The following CACNA1D variants were observed in gnomAD, a reference collection of about 807,000 sequenced individuals.
CACNA1D encodes calcium voltage-gated channel subunit alpha1 D.
CACNA1D carries 55 observed loss-of-function variants against 257.1 expected under a neutral mutation model. The observed-to-expected ratio is 0.21, with a 90% CI of 0.17 to 0.27. CACNA1D has a LOEUF of 0.27. Among genes scored for constraint, CACNA1D ranks in the 10% least tolerant of loss-of-function variants. CACNA1D has a pLI of 1.00. For synonymous variants in CACNA1D, 980 were observed against 1,014.9 expected (o/e 0.97, Z 0.65); for missense variants, 1,876 against 2,784.0 (o/e 0.67, Z 7.34).
At chr3:53,531,422 G>A (rs901217167) in intron 3 of CACNA1D, among the ~76,000 whole-genome samples, 5 of 152,186 alleles carry the variant, frequency 3.3e-5, no homozygotes, top group Non-Finnish European at 1.5e-5. Flanking sequence ...TGGATATTTG[G>A]AGATAGGAGG....
chr3:53,762,229 A>AC, intron 30 of CACNA1D, 148 bp downstream of exon 30: 2 of 710,590 alleles, frequency 2.8e-6, no homozygotes, highest in South Asian at 3.0e-5. Context: ...TGAGAGCTGT[A>AC]GGCAAGACGT....
intron 3 of CACNA1D, among the ~76,000 whole-genome samples, chr3:53,578,008 G>A (rs2107729241): frequency 6.6e-6 from 1 of 152,218 alleles, no homozygotes; most frequent in East Asian, 1.9e-4. Flanking sequence ...TCTGCTTTTT[G>A]TCATTCAGTC....
intron 8 of CACNA1D, among the ~76,000 whole-genome samples, chr3:53,688,952 A>G (rs751848849): frequency 1.3e-5 from 2 of 152,104 alleles, no homozygotes; most frequent in Non-Finnish European, 2.9e-5. Context: ...TAAATCATGG[A>G]CTATTACTTA....
chr3:53,683,005 G>A (rs2094446364), intron 8 of CACNA1D, among the ~76,000 whole-genome samples: 1 of 152,184 alleles, frequency 6.6e-6, no homozygotes, highest in Non-Finnish European at 1.5e-5. Flanking sequence ...ATGGCAGAGA[G>A]GGAGAGCCCA....
intron 3 of CACNA1D, among the ~76,000 whole-genome samples, chr3:53,555,456 G>GTT (rs1334737354): frequency 1.6e-4 from 19 of 117,020 alleles, no homozygotes; most frequent in African/African-American, 6.3e-4. Flanking sequence ...GTGTGTGTGT[G>GTT]TGTGTTTTTT....
intron 3 of CACNA1D, among the ~76,000 whole-genome samples, chr3:53,623,557 C>A: frequency 6.6e-6 from 1 of 152,154 alleles, no homozygotes; most frequent in Middle Eastern, 3.2e-3. Context: ...TAAATATGCT[C>A]AAGTGGAGGA....
At chr3:53,765,284 G>A (rs1367571733) in intron 30 of CACNA1D, among the ~76,000 whole-genome samples, 1 of 152,168 alleles carries the variant, frequency 6.6e-6, no homozygotes, top group Non-Finnish European at 1.5e-5. Flanking sequence ...TGAGCTGAGG[G>A]GTCAGCTGTC....
intron 3 of CACNA1D, among the ~76,000 whole-genome samples, chr3:53,628,088 T>C (rs2093780435): frequency 6.6e-6 from 1 of 152,162 alleles, no homozygotes; most frequent in South Asian, 2.1e-4. Flanking sequence ...GGGAGCCCTG[T>C]CTTCTCTAAT....
intron 3 of CACNA1D, among the ~76,000 whole-genome samples, chr3:53,580,576 G>A (rs925728501): frequency 8.5e-5 from 13 of 152,212 alleles, no homozygotes; most frequent in African/African-American, 2.9e-4. Flanking sequence ...CATCTGTAGA[G>A]TGGGAATTGT....
Position 53,702,702 on chromosome 3 carries a change from A to G in CACNA1D, c.1282A>G (p.Lys428Glu), listed in dbSNP as rs1366677365. The change falls in exon 9 of 48, where the codon AAG becomes GAG. Residue 428 changes from lysine to glutamate, a missense_variant. Lys to Glu is a moderately conservative substitution (Grantham distance 56, BLOSUM62 1). Coordinates refer to ENST00000350061, the MANE Select transcript of CACNA1D (RefSeq NM_001128840.3). ...ARGDFQKLREKQQLEEDLKGY... is the reference protein window; with the variant it reads ...ARGDFQKLREEQQLEEDLKGY... ...GGGAGATTTCCAGAAGCTCCGGGAG[A>G]AGCAGCAGCTGGAGGAGGATCTAAA... 1.2e-6 allele frequency: 2 copies of G among 1,614,074 alleles called. No homozygotes were observed. The highest frequency in any genetic ancestry group is 8.5e-7 in the Non-Finnish European group (1 of 1,180,046).
intron 3 of CACNA1D, among the ~76,000 whole-genome samples, chr3:53,552,829 T>C (rs985613325): frequency 6.6e-6 from 1 of 152,234 alleles, no homozygotes; most frequent in African/African-American, 2.4e-5. Context: ...AAGGATTTAC[T>C]ATTCTTAAGG....
intron 3 of CACNA1D, among the ~76,000 whole-genome samples, chr3:53,505,164 T>C (rs975109644): frequency 8.4e-5 from 12 of 143,670 alleles, no homozygotes; most frequent in Non-Finnish European, 1.8e-4. Context: ...GCTGGAGTGC[T>C]GTGGTGCAAT....
chr3:53,754,690 C>A (rs564660372), intron 29 of CACNA1D, among the ~76,000 whole-genome samples: 2 of 152,178 alleles, frequency 1.3e-5, no homozygotes, highest in Non-Finnish European at 2.9e-5. Context: ...ATATTTGGCC[C>A]TCATTTTCTT....
chr3:53,809,150 G>C (rs2095583066), intron 46 of CACNA1D: 1 of 236,474 alleles, frequency 4.2e-6, no homozygotes, highest in Admixed American at 5.1e-5. Context: ...TTTTCTCTAA[G>C]AAGTGGTTCC....
At chr3:53,699,128 A>G (rs1233758385) in intron 8 of CACNA1D, among the ~76,000 whole-genome samples, 1 of 152,122 alleles carries the variant, frequency 6.6e-6, no homozygotes, top group African/African-American at 2.4e-5. Flanking sequence ...TGTGATGGGA[A>G]TGGGTTATTC....
intron 40 of CACNA1D, chr3:53,791,231 G>A (rs1406369533): frequency 7.1e-6 from 4 of 565,682 alleles, no homozygotes; most frequent in East Asian, 5.8e-5. Context: ...GCTGCCTGTC[G>A]CGGACGTTGC....
At chr3:53,549,588 G>C (rs1472026149) in intron 3 of CACNA1D, among the ~76,000 whole-genome samples, 1 of 152,220 alleles carries the variant, frequency 6.6e-6, no homozygotes, top group Non-Finnish European at 1.5e-5. Flanking sequence ...ACTGTTCAGA[G>C]ACACAGTCTT....
rs530845490 is a variant in CACNA1D, at chr3:53,503,830, G to A, written c.483+2110G>A. Among the ~76,000 whole-genome samples the A allele has an allele frequency of 1.8e-4, 27 of 151,654 alleles. No individual in the cohort carries two copies. The South Asian group carries it at 4.0e-3, about 22-fold the overall frequency. On this transcript the variant is annotated intron_variant, in intron 3 of 47. Coordinates refer to ENST00000350061, the MANE Select transcript of CACNA1D (RefSeq NM_001128840.3). ...TTGGTGGGCCTTTCTAAAAGCCAAC[G>A]TATATTCCTTTGACCTCTTCATATA...
chr3:53,776,765 G>A (rs763220969), intron 36 of CACNA1D, 35 bp downstream of exon 36: 3 of 1,614,102 alleles, frequency 1.9e-6, no homozygotes, highest in East Asian at 4.5e-5. Flanking sequence ...GCGTGTGTGG[G>A]TGGATTTTGG....
Sources: gnomAD v4.1 joint callset for allele counts (sites outside exome capture counted in the v4.1 genomes callset) on GRCh38, gnomAD v4.1.1 for gene constraint, MANE v1.5 for transcripts, NCBI Gene and HGNC (gene_info 2026-07-23, HGNC 2026-07-21) for gene names.